Variants in MARCHF1 observed in about 807,000 individuals in gnomAD.
The protein encoded by MARCHF1 is membrane associated ring-CH-type finger 1.
A neutral mutation model predicts 54.2 loss-of-function variants in MARCHF1; 40 were observed. That is an observed-to-expected ratio of 0.74 (90% CI 0.57 to 0.96). The LOEUF is 0.96. Ranked by LOEUF, MARCHF1 falls within the 40% of genes least tolerant of loss-of-function variation. The pLI, the probability that MARCHF1 is intolerant of heterozygous loss-of-function variation, is 0.00. For missense variants in MARCHF1, 586 were observed against 656.5 expected, an observed-to-expected ratio of 0.89 and a Z score of 1.17; for synonymous variants, 236 against 236.3, an observed-to-expected ratio of 1.00 and a Z score of 0.01.
intron 3 of MARCHF1, among the ~76,000 whole-genome samples, chr4:163,876,027 T>TA (rs778565128): frequency 6.6e-6 from 1 of 152,082 alleles, no homozygotes; most frequent in Non-Finnish European, 1.5e-5. Flanking sequence ...AGAGTTGGAA[T>TA]AAAAAACCTT....
intron 2 of MARCHF1, among the ~76,000 whole-genome samples, chr4:163,997,339 A>C (rs1753096141): frequency 6.6e-6 from 1 of 152,052 alleles, no homozygotes; most frequent in African/African-American, 2.4e-5. Flanking sequence ...GTGTATTTTG[A>C]AACACTAGAA....
intron 1 of MARCHF1, among the ~76,000 whole-genome samples, chr4:164,245,445 T>C (rs546503568): frequency 0.12 from 17,653 of 151,858 alleles, 1,192 homozygotes; most frequent in Non-Finnish European, 0.18. Context: ...TGATGGGACA[T>C]ATCTCAAAAT....
chr4:163,590,753 G>A (rs1740563882), intron 7 of MARCHF1, among the ~76,000 whole-genome samples: 1 of 152,064 alleles, frequency 6.6e-6, no homozygotes, highest in Admixed American at 6.6e-5. Flanking sequence ...GCTGTGCCAA[G>A]ATCTTGATTC....
intron 1 of MARCHF1, among the ~76,000 whole-genome samples, chr4:164,176,964 C>CCCTATATA (rs1367492961): frequency 4.2e-5 from 2 of 47,714 alleles, no homozygotes; most frequent in Admixed American, 2.5e-4. Flanking sequence ...CTCTCTCTCT[C>CCCTATATA]TCTCTCTCTC....
chr4:164,027,043 A>G (rs943938982), intron 2 of MARCHF1, among the ~76,000 whole-genome samples: 1 of 152,042 alleles, frequency 6.6e-6, no homozygotes, highest in Non-Finnish European at 1.5e-5. Flanking sequence ...AAAGATCTCT[A>G]TAAGGAGAAC....
intron 4 of MARCHF1, among the ~76,000 whole-genome samples, chr4:163,726,628 A>C (rs1454696229): frequency 6.6e-6 from 1 of 152,230 alleles, no homozygotes; most frequent in African/African-American, 2.4e-5. Flanking sequence ...AATCCAAAGA[A>C]GCACAATTAC....
intron 3 of MARCHF1, among the ~76,000 whole-genome samples, chr4:163,950,296 T>C (rs1752108625): frequency 6.6e-6 from 1 of 152,148 alleles, no homozygotes; most frequent in Non-Finnish European, 1.5e-5. Flanking sequence ...GTGCCCAAAG[T>C]CCAGAGGGGG....
chr4:163,673,755 CTGAATA>C (rs1743812022), intron 5 of MARCHF1, among the ~76,000 whole-genome samples: 1 of 152,108 alleles, frequency 6.6e-6, no homozygotes, highest in Non-Finnish European at 1.5e-5. Flanking sequence ...TGGAATCTGT[CTGAATA>C]TAATTCATGA....
At position 163,992,433 on chromosome 4, in the gene MARCHF1, A is replaced by C. The variant is rs527471683; in HGVS notation, c.-247-3724T>G. On this transcript the variant is annotated intron_variant, in intron 2 of 9. Transcript: ENST00000514618. ...AGAATAATGAAAGTAAATATCAAAG[A>C]AGCTTTGAGCAACAATAAATAATAT... 9.9e-5 allele frequency among the ~76,000 whole-genome samples: 15 copies of C among 152,202 alleles called. 1 individual carries two copies. In the South Asian group the frequency reaches 3.1e-3, roughly 32 times the overall value.
At chr4:164,220,601 AAT>A (rs1158532225) in intron 1 of MARCHF1, among the ~76,000 whole-genome samples, 4 of 145,826 alleles carry the variant, frequency 2.7e-5, no homozygotes, top group East Asian at 3.9e-4. Flanking sequence ...GTATATATGT[AAT>A]ATATATGCTA....
intron 9 of MARCHF1, among the ~76,000 whole-genome samples, chr4:163,541,954 G>C (rs1318693178): frequency 6.6e-6 from 1 of 152,198 alleles, no homozygotes; most frequent in East Asian, 1.9e-4. Context: ...ATGATTCCCT[G>C]TATGAAAGTC....
At chr4:164,129,086 C>T (rs183901999) in intron 1 of MARCHF1, among the ~76,000 whole-genome samples, 1 of 152,260 alleles carries the variant, frequency 6.6e-6, no homozygotes, top group Admixed American at 6.5e-5. Context: ...ATAAACAGTA[C>T]AGGTTTTGAT....
At chr4:164,170,277 T>G (rs1730487540) in intron 1 of MARCHF1, among the ~76,000 whole-genome samples, 1 of 152,138 alleles carries the variant, frequency 6.6e-6, no homozygotes, top group African/African-American at 2.4e-5. Context: ...TAGCATATTT[T>G]GCAAAGGTCT....
Position 164,110,123 on chromosome 4 carries a change from TACACACAC to T in MARCHF1, c.-248+1457_-248+1464del, listed in dbSNP as rs70948699. ...TTAAAAAACCCATTGGAATTGGAGA[TACACACAC>T]ACACACACACACACACACACACACA... On this transcript the variant is annotated intron_variant, in intron 2 of 9. Transcript: ENST00000514618. Among the ~76,000 whole-genome samples, 269 of 145,964 alleles carry T rather than the reference TACACACAC, an allele frequency of 1.8e-3. 2 individuals carry two copies. The highest frequency in any genetic ancestry group is 4.8e-3 in the Admixed American group (69 of 14,522).
intron 1 of MARCHF1, among the ~76,000 whole-genome samples, chr4:164,263,489 T>G (rs1252577450): frequency 2.6e-5 from 4 of 152,176 alleles, no homozygotes; most frequent in African/African-American, 4.8e-5. Context: ...CTTGAACTCC[T>G]GGGCTCAAGC....
chr4:164,055,527 C>CA (rs1754471485), intron 2 of MARCHF1, among the ~76,000 whole-genome samples: 2 of 151,404 alleles, frequency 1.3e-5, no homozygotes, highest in African/African-American at 2.4e-5. Flanking sequence ...TTTCTCTCCC[C>CA]GAAAATAGGG....
chr4:163,658,354 T>C (rs186942228), intron 5 of MARCHF1, among the ~76,000 whole-genome samples: 108 of 151,982 alleles, frequency 7.1e-4, no homozygotes, highest in African/African-American at 1.7e-3. Context: ...AATGAGATAC[T>C]ATCTCATGCC....
intron 4 of MARCHF1, among the ~76,000 whole-genome samples, chr4:163,838,726 A>T (rs898373214): frequency 6.6e-6 from 1 of 152,132 alleles, no homozygotes; most frequent in Non-Finnish European, 1.5e-5. Flanking sequence ...TTGGATCTCT[A>T]CTTCACACCA....
intron 7 of MARCHF1, among the ~76,000 whole-genome samples, chr4:163,590,565 C>CT (rs1434373689): frequency 6.6e-6 from 1 of 152,166 alleles, no homozygotes; most frequent in East Asian, 1.9e-4. Flanking sequence ...TTCAAGAACT[C>CT]TATCACCAAT....
Sources: gnomAD v4.1 joint callset for allele counts (sites outside exome capture counted in the v4.1 genomes callset) on GRCh38, gnomAD v4.1.1 for gene constraint, MANE v1.5 for transcripts, NCBI Gene and HGNC (gene_info 2026-07-23, HGNC 2026-07-21) for gene names.